TTLL7: variants seen among roughly 807,000 people sequenced by gnomAD.
TTLL7 encodes the protein tubulin tyrosine ligase like 7, also known as tubulin polyglutamylase TTLL7.
In TTLL7, 53 loss-of-function variants were observed where a neutral mutation model predicts 120.2. The observed-to-expected ratio is 0.44, with a 90% CI of 0.35 to 0.55. TTLL7 has a LOEUF of 0.55. Ranked by LOEUF, TTLL7 falls within the 20% of genes least tolerant of loss-of-function variation. The probability of loss-of-function intolerance (pLI) is 0.00; values close to 1 mark genes in which losing one functional copy is unlikely to be tolerated. For synonymous variants in TTLL7, 353 were observed against 351.7 expected (o/e 1.00, Z -0.04); for missense variants, 803 against 1,054.7 (o/e 0.76, Z 3.31).
chr1:83,919,259 A>AGAGT (rs1296153094), intron 13 of TTLL7, among the ~76,000 whole-genome samples: 1 of 146,948 alleles, frequency 6.8e-6, no homozygotes, highest in African/African-American at 2.5e-5. Context: ...TACAGATTAG[A>AGAGT]GTGTGTGTGT....
intron 18 of TTLL7, among the ~76,000 whole-genome samples, chr1:83,897,279 A>AT (rs752859756): frequency 6.6e-6 from 1 of 152,078 alleles, no homozygotes; most frequent in Non-Finnish European, 1.5e-5. Context: ...TACTTAAATA[A>AT]GAGTCTTGTG....
rs1220931389 is a variant in TTLL7, at chr1:83,867,466, AATTT to A, written c.*2492_*2495del. On this transcript the variant is annotated 3_prime_UTR_variant, in exon 21 of 21. Transcript: ENST00000260505. ...CAGACATAAGTAGCTAGAGAAATGAAATTTATTTGTTGAAATCAATTTGTGGGGT... is the reference window on the plus strand; with the variant it reads ...CAGACATAAGTAGCTAGAGAAATGAAATTTGTTGAAATCAATTTGTGGGGT... The A allele has an allele frequency of 6.6e-6, 1 of 151,992 alleles. No homozygotes were observed. The highest frequency in any genetic ancestry group is 6.6e-5 in the Admixed American group (1 of 15,254). The allele number at this position is 151,992 out of a possible 1,614,324, so 9.4% of individuals were successfully genotyped here. A position where few individuals can be genotyped will look rare whatever the true frequency, so the allele number is the denominator to read the frequency against.
In TTLL7 at chr1:83,883,231, T is replaced by C. The variant is rs577972859; in HGVS notation, c.2370-95A>G. ...CCTAGCAACAAACCAATAAGGGAAA[T>C]AGAAATGGTCTCATACATTTGCAAT... is the stretch of plus-strand genomic sequence containing the variant. On this transcript the variant is annotated intron_variant, in intron 19 of 20. Coordinates refer to ENST00000260505, the MANE Select transcript of TTLL7 (RefSeq NM_024686.6). 30 of 962,836 alleles carry C rather than the reference T, an allele frequency of 3.1e-5. No individual in the cohort carries two copies. The Admixed American group carries it at 5.9e-4, about 19-fold the overall frequency. 59.6% of individuals were successfully genotyped at this position (962,836 alleles called of 1,614,324 possible).
chr1:83,920,824 C>T (rs891509804), intron 12 of TTLL7, among the ~76,000 whole-genome samples: 1 of 151,890 alleles, frequency 6.6e-6, no homozygotes, highest in South Asian at 2.1e-4. Context: ...TTTAAAAGAC[C>T]ACATTATAAC....
chr1:83,921,802 G>A (rs1460645644), intron 10 of TTLL7, among the ~76,000 whole-genome samples: 3 of 152,006 alleles, frequency 2.0e-5, no homozygotes, highest in Non-Finnish European at 2.9e-5. Context: ...ACATTAATAG[G>A]TACTTAATAT....
At chr1:83,898,694 A>C (rs1656452145) in intron 18 of TTLL7, among the ~76,000 whole-genome samples, 1 of 151,902 alleles carries the variant, frequency 6.6e-6, no homozygotes, top group African/African-American at 2.4e-5. Flanking sequence ...TATCAGAAAT[A>C]AACTTCAGGT....
intron 1 of TTLL7, among the ~76,000 whole-genome samples, chr1:83,995,585 A>G (rs6670658): frequency 0.43 from 65,542 of 151,668 alleles, 15,592 homozygotes; most frequent in Non-Finnish European, 0.54. Flanking sequence ...AGCCTGCAGA[A>G]CTGTGAGCCA....
Position 83,870,121 on chromosome 1 carries a change from A to C in TTLL7, c.2544-39T>G, listed in dbSNP as rs761854723. 2.6e-5 allele frequency: 39 copies of C among 1,520,298 alleles called. No homozygotes were observed. The East Asian group carries it at 9.5e-4, about 37-fold the overall frequency. 94.2% of individuals were successfully genotyped at this position (1,520,298 alleles called of 1,614,324 possible). On this transcript the variant is annotated intron_variant, in intron 20 of 20. Coordinates refer to ENST00000260505, the MANE Select transcript of TTLL7 (RefSeq NM_024686.6). ...TTAACAAATTAGATTTTTACAAGCA[A>C]ATTATAACTAACTCACTAAAGGGTT...
intron 1 of TTLL7, among the ~76,000 whole-genome samples, chr1:83,982,088 T>A (rs1258316756): frequency 6.6e-6 from 1 of 152,200 alleles, no homozygotes; most frequent in Admixed American, 6.5e-5. Flanking sequence ...ATACAGAGTA[T>A]GTTATCTGAC....
Position 83,868,689 on chromosome 1 carries a change from T to G in TTLL7, c.*1273A>C, listed in dbSNP as rs1200935763. The G allele has an allele frequency of 1.3e-5, 2 of 152,182 alleles. No individual in the cohort carries two copies. The highest frequency in any genetic ancestry group is 2.9e-5 in the Non-Finnish European group (2 of 68,024). 9.4% of individuals were successfully genotyped at this position (152,182 alleles called of 1,614,324 possible). ...AGTTTGTCTCATTATCCTGTAACAC[T>G]AAAATGAGTGAAATGTGTCAACTCT... On this transcript the variant is annotated 3_prime_UTR_variant, in exon 21 of 21. Transcript: ENST00000260505.
At chr1:83,942,200 T>C (rs1407559678) in intron 7 of TTLL7, among the ~76,000 whole-genome samples, 1 of 152,170 alleles carries the variant, frequency 6.6e-6, no homozygotes, top group Admixed American at 6.5e-5. Context: ...GATGTTTGCT[T>C]TGAAATCCAG....
intron 1 of TTLL7, among the ~76,000 whole-genome samples, chr1:83,954,566 C>T (rs576381149): frequency 1.3e-5 from 2 of 152,324 alleles, no homozygotes; most frequent in African/African-American, 2.4e-5. Flanking sequence ...GGCTTCTCAA[C>T]CTTGGCTGCA....
intron 6 of TTLL7, among the ~76,000 whole-genome samples, chr1:83,943,622 C>T (rs1031233675): frequency 6.6e-6 from 1 of 152,174 alleles, no homozygotes; most frequent in South Asian, 2.1e-4. Flanking sequence ...CAGCAAAGAA[C>T]ACAGACTACA....
intron 20 of TTLL7, among the ~76,000 whole-genome samples, chr1:83,870,863 C>T (rs1166749486): frequency 2.0e-5 from 3 of 150,590 alleles, no homozygotes; most frequent in Non-Finnish European, 3.0e-5. Context: ...GAGCTGAGAT[C>T]GCGCCATTGC....
At position 83,906,377 on chromosome 1, in the gene TTLL7, G is replaced by A. The variant is rs41301084; in HGVS notation, c.2079C>T (p.Ile693=). The part of the protein sequence containing the change: ...QTLFVLKDMK[I]RFPGKSDAES... ...CTGCATCTGACTTTCCTGGAAACCGGATCTTCATGTCTTTGAGAACAAATA... is the reference window on the plus strand; with the variant it reads ...CTGCATCTGACTTTCCTGGAAACCGAATCTTCATGTCTTTGAGAACAAATA... The change falls in exon 17 of 21, where the codon ATC becomes ATT. Residue 693 remains isoleucine, a synonymous_variant. Coordinates refer to ENST00000260505, the MANE Select transcript of TTLL7 (RefSeq NM_024686.6). 0.021 allele frequency: 33,904 copies of A among 1,612,338 alleles called. 423 individuals are homozygous for A. Among genetic ancestry groups the A allele is most frequent in the Non-Finnish European group, 0.025 (29,675 of 1,178,982 alleles).
At position 83,907,664 on chromosome 1, in the gene TTLL7, A is replaced by G; in HGVS notation, c.1787-3T>C. 1 of 1,611,942 alleles carries G rather than the reference A, an allele frequency of 6.2e-7. No individual in the cohort carries two copies. The highest frequency in any genetic ancestry group is 1.1e-5 in the South Asian group (1 of 90,862). On this transcript the variant is annotated splice_polypyrimidine_tract_variant and splice_region_variant and intron_variant, in intron 15 of 20. Coordinates refer to ENST00000260505, the MANE Select transcript of TTLL7 (RefSeq NM_024686.6). Reference sequence around the variant, plus strand: ...GCTGACTGAACGTCTTATGGAGCCTATCAGTGATGGAGAAGAGGGATACTA... The same window carrying G: ...GCTGACTGAACGTCTTATGGAGCCTGTCAGTGATGGAGAAGAGGGATACTA...
chr1:83,882,760 G>T, intron 20 of TTLL7: 2 of 482,380 alleles, frequency 4.1e-6, no homozygotes, highest in Non-Finnish European at 7.1e-6. Context: ...TCACCTTTAG[G>T]TTCGTGATTG....
At chr1:83,877,542 C>G (rs899771861) in intron 20 of TTLL7, among the ~76,000 whole-genome samples, 10 of 151,828 alleles carry the variant, frequency 6.6e-5, no homozygotes, top group Admixed American at 6.6e-5. Flanking sequence ...TTAGGACTTT[C>G]TATTTCTTCT....
chr1:83,987,410 A>G (rs1652575277), intron 1 of TTLL7, among the ~76,000 whole-genome samples: 1 of 152,210 alleles, frequency 6.6e-6, no homozygotes, highest in South Asian at 2.1e-4. Flanking sequence ...GTTTAACACA[A>G]TTTCAATTAA....
Sources: gnomAD v4.1 joint callset for allele counts (sites outside exome capture counted in the v4.1 genomes callset) on GRCh38, gnomAD v4.1.1 for gene constraint, MANE v1.5 for transcripts, NCBI Gene and HGNC (gene_info 2026-07-23, HGNC 2026-07-21) for gene names.